The following PRH1 variants were observed in gnomAD, a reference collection of about 807,000 sequenced individuals.
PRH1 encodes the protein salivary acidic proline-rich phosphoprotein 1/2.
PRH1 carries 7 observed loss-of-function variants against 7.9 expected under a neutral mutation model. The ratio of observed to expected loss-of-function variants is 0.89; its 90% CI spans 0.50 to 1.67. The LOEUF (loss-of-function observed/expected upper bound fraction) is 1.67, where lower values mean the gene tolerates loss of function less well. Ranked by LOEUF, PRH1 falls within the 40% of genes most tolerant of loss-of-function variation. The pLI, the probability that PRH1 is intolerant of heterozygous loss-of-function variation, is 0.00. For missense variants in PRH1, 109 were observed against 223.6 expected, an observed-to-expected ratio of 0.49 and a Z score of 3.27; for synonymous variants, 45 against 80.8, an observed-to-expected ratio of 0.56 and a Z score of 2.38.
At chr12:11,110,416 A>C (rs2708354) in intron 1 of PRH1, among the ~76,000 whole-genome samples, 69,159 of 151,980 alleles carry the variant, frequency 0.46, 16,552 homozygotes, top group Non-Finnish European at 0.53. Context: ...AACAGCCAGA[A>C]AGAAAGGCTG....
chr12:10,974,482 T>C (rs533959624), intron 1 of PRH1, among the ~76,000 whole-genome samples: 1 of 152,244 alleles, frequency 6.6e-6, no homozygotes, highest in African/African-American at 2.4e-5. Flanking sequence ...GGCCCAATAC[T>C]AGCCTCCCAG....
At chr12:11,167,421 G>C (rs1311177491) in intron 1 of PRH1, among the ~76,000 whole-genome samples, 5 of 150,516 alleles carry the variant, frequency 3.3e-5, no homozygotes, top group Non-Finnish European at 7.4e-5. Context: ...AACAATTCAT[G>C]TCTCCTATTT....
At chr12:10,950,512 ACT>A (rs1194714081) in intron 2 of PRH1, among the ~76,000 whole-genome samples, 2 of 151,524 alleles carry the variant, frequency 1.3e-5, no homozygotes, top group Non-Finnish European at 2.9e-5. Context: ...TCATTCTACG[ACT>A]CTGATTTCAT....
At chr12:11,061,644 T>C (rs746939972) in intron 1 of PRH1, 27 of 1,614,036 alleles carry the variant, frequency 1.7e-5, no homozygotes, top group Non-Finnish European at 2.1e-5. Context: ...TGCTGGGATC[T>C]TGAGATCCTT....
At chr12:10,986,247 T>G in intron 1 of PRH1, 1 of 1,614,144 alleles carries the variant, frequency 6.2e-7, no homozygotes, top group Non-Finnish European at 8.5e-7. Context: ...CTTCTTGAGA[T>G]GTTTACACAG....
chr12:11,032,442 G>A (rs1942267226), intron 1 of PRH1, among the ~76,000 whole-genome samples: 1 of 152,102 alleles, frequency 6.6e-6, no homozygotes, highest in Admixed American at 6.6e-5. Context: ...ATAAGATCTG[G>A]TTGCTGCTAA....
intron 1 of PRH1, among the ~76,000 whole-genome samples, chr12:10,979,666 G>T (rs1022235313): frequency 6.6e-6 from 1 of 152,116 alleles, no homozygotes; most frequent in South Asian, 2.1e-4. Flanking sequence ...AATACATCAG[G>T]GGAATGTGCA....
intron 1 of PRH1, among the ~76,000 whole-genome samples, chr12:11,001,889 TA>T (rs1940612501): frequency 6.6e-6 from 1 of 152,084 alleles, no homozygotes; most frequent in African/African-American, 2.4e-5. Flanking sequence ...GTGGAAAGGT[TA>T]AAAAATAAAT....
chr12:10,990,198 C>G (rs4270005), intron 1 of PRH1, among the ~76,000 whole-genome samples: 46,346 of 151,914 alleles, frequency 0.31, 8,925 homozygotes, highest in East Asian at 0.74. Context: ...GACAAAGGTG[C>G]CAAGAACATA....
chr12:10,981,774 T>A (rs1939367171), intron 1 of PRH1, among the ~76,000 whole-genome samples: 1 of 151,970 alleles, frequency 6.6e-6, no homozygotes, highest in Admixed American at 6.6e-5. Context: ...CATAGCTCAC[T>A]GCAAACTCGA....
chr12:10,904,231 G>A (rs1190959341), intron 2 of PRH1, among the ~76,000 whole-genome samples: 1 of 150,736 alleles, frequency 6.6e-6, no homozygotes, highest in Non-Finnish European at 1.5e-5. Context: ...GCAACCCTAA[G>A]CAAAAAGAAA....
chr12:11,028,433 C>G (rs972270895), intron 1 of PRH1, among the ~76,000 whole-genome samples: 1 of 152,126 alleles, frequency 6.6e-6, no homozygotes, highest in Non-Finnish European at 1.5e-5. Flanking sequence ...CAGGGTCATA[C>G]CAGACATCAC....
intron 1 of PRH1, chr12:11,134,129 T>G (rs759532307): frequency 8.1e-6 from 13 of 1,614,038 alleles, no homozygotes; most frequent in African/African-American, 2.7e-5. Flanking sequence ...GGAGATCTTT[T>G]GTCTCTTGAC....
At chr12:11,133,593 C>T (rs759771695) in intron 1 of PRH1, 4 of 1,614,222 alleles carry the variant, frequency 2.5e-6, no homozygotes, top group Non-Finnish European at 2.5e-6. Flanking sequence ...GTGCTGGGAT[C>T]TTGAGATCCT....
intron 1 of PRH1, among the ~76,000 whole-genome samples, chr12:11,149,122 C>T (rs1245160164): frequency 3.3e-5 from 5 of 151,688 alleles, no homozygotes; most frequent in African/African-American, 7.3e-5. Flanking sequence ...TCTGTGGGAT[C>T]GGTGGTGATA....
At chr12:10,927,329 G>T (rs1351215336) in intron 2 of PRH1, among the ~76,000 whole-genome samples, 2 of 152,094 alleles carry the variant, frequency 1.3e-5, no homozygotes, top group Non-Finnish European at 2.9e-5. Flanking sequence ...ACCAAGGCAG[G>T]ACTGCTCATC....
chr12:11,039,518 C>G (rs548137288), intron 1 of PRH1, among the ~76,000 whole-genome samples: 4 of 152,304 alleles, frequency 2.6e-5, no homozygotes, highest in Admixed American at 2.6e-4. Flanking sequence ...TTTAAATGTT[C>G]TGCAATTTTT....
intron 2 of PRH1, among the ~76,000 whole-genome samples, chr12:10,926,702 C>T (rs1409512739): frequency 6.6e-6 from 1 of 152,102 alleles, no homozygotes; most frequent in Non-Finnish European, 1.5e-5. Flanking sequence ...CAAGTGGACA[C>T]ATTTGAGATG....
At chr12:11,168,286 A>G (rs1826333513) in intron 1 of PRH1, among the ~76,000 whole-genome samples, 1 of 50,126 alleles carries the variant, frequency 2.0e-5, no homozygotes, top group Non-Finnish European at 4.8e-5. Context: ...GAAAGAAAGA[A>G]AGAAAGAAAG....
Sources: allele counts gnomAD v4.1 joint callset (sites outside exome capture counted in the v4.1 genomes callset), GRCh38; gene constraint gnomAD v4.1.1; transcripts MANE v1.5; gene names NCBI Gene and HGNC (gene_info 2026-07-23, HGNC 2026-07-21).